Variants in BICD1 observed in about 807,000 individuals in gnomAD.
The protein encoded by BICD1 is BICD cargo adaptor 1.
Under a neutral mutation model 92.5 loss-of-function variants are expected in BICD1, and 35 were observed. The observed-to-expected ratio is 0.38, with a 90% confidence interval of 0.29 to 0.50. The LOEUF (loss-of-function observed/expected upper bound fraction) is 0.50. BICD1 is among the 20% of genes least tolerant of loss of function. The pLI is 0.93. For synonymous variants in BICD1, 429 were observed against 465.1 expected (o/e 0.92, Z 1.00); for missense variants, 950 against 1,189.8 (o/e 0.80, Z 2.97).
At chr12:32,131,276 A>T (rs1942536421) in intron 1 of BICD1, among the ~76,000 whole-genome samples, 1 of 152,138 alleles carries the variant, frequency 6.6e-6, no homozygotes, top group African/African-American at 2.4e-5. Context: ...TTTTTAAAAA[A>T]ATTATTTTTC....
In BICD1 at chr12:32,122,671, C is replaced by T. The variant is rs142987956; in HGVS notation, c.213+15127C>T. On this transcript the variant is annotated intron_variant, in intron 1 of 9. Transcript: ENST00000652176. ...TCATGTTGAAGTGCTTGAGACAATA[C>T]AAGCAATTATTTGCTAAAATTTAGA... 1.2e-4 allele frequency among the ~76,000 whole-genome samples: 18 copies of T among 152,162 alleles called. No individual in the cohort carries two copies. The East Asian group carries it at 3.1e-3, about 26-fold the overall frequency.
chr12:32,124,347 A>G (rs1673860), intron 1 of BICD1, among the ~76,000 whole-genome samples: 43,752 of 152,032 alleles, frequency 0.29, 6,538 homozygotes, highest in Admixed American at 0.43. Flanking sequence ...AAACAATATG[A>G]GTTTTTGAGT....
intron 1 of BICD1, among the ~76,000 whole-genome samples, chr12:32,181,405 G>A (rs950678058): frequency 6.6e-6 from 1 of 150,736 alleles, no homozygotes; most frequent in Non-Finnish European, 1.5e-5. Context: ...GGGCAACAGA[G>A]CGAGACTCTG....
intron 8 of BICD1, among the ~76,000 whole-genome samples, chr12:32,363,649 G>T (rs1179467217): frequency 6.6e-6 from 1 of 152,188 alleles, no homozygotes; most frequent in Admixed American, 6.5e-5. Flanking sequence ...CTTAGATTTA[G>T]TTGTGTTTGG....
At chr12:32,202,286 C>T (rs1396136377) in intron 1 of BICD1, among the ~76,000 whole-genome samples, 1 of 152,182 alleles carries the variant, frequency 6.6e-6, no homozygotes, top group Non-Finnish European at 1.5e-5. Flanking sequence ...AACAAGTGTT[C>T]AGGACTTCAA....
At chr12:32,336,369 C>A (rs908614755) in intron 6 of BICD1, among the ~76,000 whole-genome samples, 9 of 152,200 alleles carry the variant, frequency 5.9e-5, no homozygotes, top group Admixed American at 4.6e-4. Flanking sequence ...AAGTATGAAA[C>A]CTGAATAAAG....
intron 1 of BICD1, among the ~76,000 whole-genome samples, chr12:32,138,379 C>G (rs1056262517): frequency 6.6e-6 from 1 of 152,134 alleles, no homozygotes; most frequent in Admixed American, 6.5e-5. Context: ...TCAGACTCAC[C>G]AAGCTGTGCA....
chr12:32,305,005 G>A (rs2136216779), intron 3 of BICD1, among the ~76,000 whole-genome samples: 1 of 152,052 alleles, frequency 6.6e-6, no homozygotes, highest in African/African-American at 2.4e-5. Flanking sequence ...CTGGGCAACA[G>A]AGCGAGACCC....
intron 4 of BICD1, among the ~76,000 whole-genome samples, chr12:32,314,076 C>A (rs1350070954): frequency 6.6e-6 from 1 of 152,342 alleles, no homozygotes; most frequent in East Asian, 1.9e-4. Context: ...AAAGGTTCGT[C>A]CATGCTGTAA....
At chr12:32,321,227 G>A (rs1339641020) in intron 4 of BICD1, among the ~76,000 whole-genome samples, 2 of 152,138 alleles carry the variant, frequency 1.3e-5, no homozygotes, top group African/African-American at 4.8e-5. Context: ...TCGGGAGGCT[G>A]AGGCAGGAGA....
At chr12:32,168,884 C>A (rs1400873890) in intron 1 of BICD1, among the ~76,000 whole-genome samples, 1 of 151,782 alleles carries the variant, frequency 6.6e-6, no homozygotes, top group Non-Finnish European at 1.5e-5. Flanking sequence ...ATCGCTTGAA[C>A]CCGGGAGGCG....
At chr12:32,145,907 G>T (rs115326019) in intron 1 of BICD1, among the ~76,000 whole-genome samples, 3,719 of 152,246 alleles carry the variant, frequency 0.024, 150 homozygotes, top group African/African-American at 0.085. Flanking sequence ...TGGTCATAGG[G>T]AATTGGAACC....
intron 8 of BICD1, among the ~76,000 whole-genome samples, chr12:32,360,727 G>T (rs943148048): frequency 8.6e-5 from 13 of 151,972 alleles, no homozygotes; most frequent in African/African-American, 1.4e-4. Context: ...ATGTGCAAAG[G>T]GTCCAAATTC....
chr12:32,109,731 T>G (rs1941617787), intron 1 of BICD1: 2 of 152,008 alleles, frequency 1.3e-5, no homozygotes, highest in African/African-American at 4.8e-5. Flanking sequence ...GTTGATTATT[T>G]GATAGTGAGG....
At chr12:32,112,549 C>T (rs1941738162) in intron 1 of BICD1, among the ~76,000 whole-genome samples, 1 of 152,140 alleles carries the variant, frequency 6.6e-6, no homozygotes, top group Admixed American at 6.6e-5. Context: ...TAATTACTTG[C>T]ATGTTGAAAT....
chr12:32,251,677 T>A (rs1946525888), intron 2 of BICD1, among the ~76,000 whole-genome samples: 1 of 152,174 alleles, frequency 6.6e-6, no homozygotes, highest in Non-Finnish European at 1.5e-5. Flanking sequence ...TCCAGCTCCC[T>A]GTGTTAATGG....
rs1317143032 is a variant in BICD1, at chr12:32,313,150, T to C, written c.1005+7028T>C. Among the ~76,000 whole-genome samples the C allele has an allele frequency of 6.6e-6, 1 of 152,188 alleles. No individual in the cohort carries two copies. The highest frequency in any genetic ancestry group is 1.5e-5 in the Non-Finnish European group (1 of 68,030). On this transcript the variant is annotated intron_variant, in intron 4 of 9. Transcript: ENST00000652176. This position sits in a 1 kb window ranked among gnomAD's most constrained non-coding sequence, Gnocchi z 4.2. Reference sequence around the variant, plus strand: ...TCAGTATTATGCTGGGTATATAATTTCACATGTAGTATGAGAAAACAGTAA... The same window carrying C: ...TCAGTATTATGCTGGGTATATAATTCCACATGTAGTATGAGAAAACAGTAA...
At chr12:32,157,373 C>G (rs1943471016) in intron 1 of BICD1, among the ~76,000 whole-genome samples, 1 of 152,146 alleles carries the variant, frequency 6.6e-6, no homozygotes, top group Non-Finnish European at 1.5e-5. Context: ...AGTTTACCCT[C>G]TATTGAAGGG....
At chr12:32,364,619 C>T (rs541244685) in intron 8 of BICD1, among the ~76,000 whole-genome samples, 13 of 152,266 alleles carry the variant, frequency 8.5e-5, no homozygotes, top group South Asian at 2.1e-4. Context: ...AAGGATAACA[C>T]GTAGCTAAGT....
Sources: allele counts gnomAD v4.1 joint callset (sites outside exome capture counted in the v4.1 genomes callset), GRCh38; gene constraint gnomAD v4.1.1; non-coding constraint Gnocchi (gnomAD v3.1); transcripts MANE v1.5; gene names NCBI Gene and HGNC (gene_info 2026-07-23, HGNC 2026-07-21).